Variants in ELFN2 observed in about 807,000 individuals in gnomAD.
ELFN2 encodes protein phosphatase 1 regulatory subunit 29.
ELFN2 carries 17 observed loss-of-function variants against 45.5 expected under a neutral mutation model. The observed-to-expected ratio is 0.37, with a 90% CI of 0.26 to 0.56. The LOEUF is 0.56. ELFN2 is among the 20% of genes least tolerant of loss of function. ELFN2 has a pLI of 0.77. For missense variants in ELFN2, 922 were observed against 1,183.2 expected, an observed-to-expected ratio of 0.78 and a Z score of 3.24; for synonymous variants, 550 against 551.5, an observed-to-expected ratio of 1.00 and a Z score of 0.04.
In ELFN2 at chr22:37,361,209, A is replaced by G. The variant is rs534488727; in HGVS notation, n.149-18506T>C. On this transcript the variant is annotated intron_variant and non_coding_transcript_variant, in intron 1 of 2. Coordinates refer to ENST00000452946, the Ensembl canonical transcript of ELFN2. ...GAGTTGACCCTCAGAGCAAGAAACT[A>G]GGAAAAGCAATGGGGCCATGAGATG... Among the ~76,000 whole-genome samples, 4 of 152,282 alleles carry G rather than the reference A, an allele frequency of 2.6e-5. No homozygotes were observed. In the East Asian group the frequency reaches 5.8e-4, roughly 22 times the overall value.
intron 2 of ELFN2, among the ~76,000 whole-genome samples, chr22:37,381,810 C>T (rs1271942088): frequency 6.6e-6 from 1 of 151,822 alleles, no homozygotes; most frequent in Admixed American, 6.6e-5. Context: ...TGGGGAGATC[C>T]TGGATCCCCT....
chr22:37,353,862 G>A (rs1930882911), intron 1 of ELFN2: 2 of 150,916 alleles, frequency 1.3e-5, no homozygotes, highest in South Asian at 4.2e-4. Flanking sequence ...ATGGTATCTA[G>A]GAAAGAGGAA....
rs529272558 is a variant in ELFN2 at position 37,375,828 on chromosome 22, C to T, written c.-294G>A. 18 of 467,408 alleles carry T rather than the reference C, an allele frequency of 3.9e-5. No homozygotes were observed. Among genetic ancestry groups the T allele is most frequent in the African/African-American group, 2.4e-4 (11 of 46,326 alleles). The allele number at this position is 467,408 out of a possible 1,614,324, so 29.0% of individuals were successfully genotyped here. ...AGGTGCAAGGGTTCTCAGGGCTTGA[C>T]TTCCTCTCCCTCCTCCTCCTCCTCC... is the stretch of plus-strand genomic sequence containing the variant. On this transcript the variant is annotated 5_prime_UTR_variant, in exon 3 of 3. Transcript: ENST00000402918.
chr22:37,357,274 G>A (rs1436066461), intron 1 of ELFN2, among the ~76,000 whole-genome samples: 3 of 152,172 alleles, frequency 2.0e-5, no homozygotes, highest in Non-Finnish European at 2.9e-5. Context: ...ACTTGAGTAC[G>A]GGGCCTCACG....
At chr22:37,395,023 T>C (rs1190240053) in intron 2 of ELFN2, among the ~76,000 whole-genome samples, 1 of 151,932 alleles carries the variant, frequency 6.6e-6, no homozygotes, top group Admixed American at 6.6e-5. Flanking sequence ...GAGAATCACT[T>C]GAACCCAGGA....
chr22:37,407,011 C>A (rs780177956), intron 2 of ELFN2, among the ~76,000 whole-genome samples: 1 of 152,356 alleles, frequency 6.6e-6, no homozygotes, highest in Non-Finnish European at 1.5e-5. Context: ...AGGCATGCAG[C>A]CCATGGCCTT....
At chr22:37,347,819 T>G (rs1222817308) in intron 1 of ELFN2, among the ~76,000 whole-genome samples, 2 of 152,328 alleles carry the variant, frequency 1.3e-5, no homozygotes, top group Non-Finnish European at 2.9e-5. Context: ...CCAGATTCCT[T>G]GGATTGGAGG....
Position 37,392,520 on chromosome 22 carries a change from A to C in ELFN2, c.-462-16524T>G, listed in dbSNP as rs185988516. Among the ~76,000 whole-genome samples the C allele has an allele frequency of 2.7e-4, 41 of 152,106 alleles. No homozygotes were observed. In the East Asian group the frequency reaches 7.9e-3, roughly 29 times the overall value. ...TTTTTAGTAGAGACAGGGTTTCACC[A>C]TGTTAGCCAGGATGGTCTCGATCTC... On this transcript the variant is annotated intron_variant, in intron 2 of 2. Coordinates refer to ENST00000402918, the MANE Select transcript of ELFN2 (RefSeq NM_052906.5).
At chr22:37,392,495 T>C (rs976548572) in intron 2 of ELFN2, among the ~76,000 whole-genome samples, 4 of 152,054 alleles carry the variant, frequency 2.6e-5, no homozygotes, top group African/African-American at 4.8e-5. Flanking sequence ...TTTTTGTGTA[T>C]TTTTAGTAGA....
rs373287422 is a variant in ELFN2 at position 37,373,489 on chromosome 22, C to T, written c.2046G>A (p.Ala682=). The T allele has an allele frequency of 7.4e-5, 114 of 1,546,984 alleles. No individual in the cohort carries two copies. Among genetic ancestry groups the T allele is most frequent in the African/African-American group, 6.5e-4 (48 of 73,370 alleles). ...CCCCGCCGCTGCCCCCGCCGCTGCC[C>T]GCCGGCACCAGCGGGAGCCGGTCCA... is the stretch of plus-strand genomic sequence containing the variant. ...SPLDRLPLVP[A]GSGGGSGGGG... is the part of the protein sequence containing the mutation. Residue 682 remains alanine, a synonymous_variant, in exon 3 of 3, where the codon GCG becomes GCA. Transcript: ENST00000402918.
In ELFN2 at chr22:37,422,469, G is replaced by A. The variant is rs370634524; in HGVS notation, c.-613-4550C>T. Among the ~76,000 whole-genome samples the A allele has an allele frequency of 3.5e-4, 53 of 152,126 alleles. No homozygotes were observed. In the East Asian group the frequency reaches 9.4e-3, roughly 27 times the overall value. The stretch of plus-strand genomic sequence containing the variant: ...CGCCTGCAATCCCAGCACTTTGGGA[G>A]GCTAAGGAGGGAGGATCACGAGGTC... On this transcript the variant is annotated intron_variant, in intron 1 of 2. Coordinates refer to ENST00000402918, the MANE Select transcript of ELFN2 (RefSeq NM_052906.5).
chr22:37,383,488 T>C (rs1341569424), intron 2 of ELFN2, among the ~76,000 whole-genome samples: 1 of 152,194 alleles, frequency 6.6e-6, no homozygotes, highest in Non-Finnish European at 1.5e-5. Context: ...GGGAGCTGGC[T>C]CCTGCCCCTC....
chr22:37,423,952 TG>T (rs1932829390), intron 1 of ELFN2, among the ~76,000 whole-genome samples: 2 of 152,282 alleles, frequency 1.3e-5, no homozygotes, highest in South Asian at 4.1e-4. Context: ...AATCAGGGAT[TG>T]GGCTGGGACG....
intron 1 of ELFN2, among the ~76,000 whole-genome samples, chr22:37,422,317 G>A (rs1932814540): frequency 6.6e-6 from 1 of 152,118 alleles, no homozygotes; most frequent in Admixed American, 6.6e-5. Context: ...TGTTATACAC[G>A]TGGTCTTCTC....
intron 1 of ELFN2, chr22:37,353,420 G>A (rs749767683): frequency 2.0e-5 from 3 of 151,018 alleles, no homozygotes; most frequent in South Asian, 2.1e-4. Flanking sequence ...GCCTTGAGTC[G>A]CTTTACAAAA....
intron 1 of ELFN2, among the ~76,000 whole-genome samples, chr22:37,347,641 AACACACACACACACACACACAC>A (rs55967141): frequency 1.4e-5 from 2 of 146,676 alleles, no homozygotes; most frequent in Non-Finnish European, 3.0e-5. Flanking sequence ...TGGGTGGCAG[AACACACACACACACACACACAC>A]ACACACACAC....
At chr22:37,416,203 A>G (rs1232749505) in intron 2 of ELFN2, among the ~76,000 whole-genome samples, 2 of 152,168 alleles carry the variant, frequency 1.3e-5, no homozygotes, top group African/African-American at 4.8e-5. Context: ...TTAGTAATTG[A>G]ATGAAATGCT....
At chr22:37,419,498 G>A (rs1932792858) in intron 1 of ELFN2, among the ~76,000 whole-genome samples, 1 of 151,874 alleles carries the variant, frequency 6.6e-6, no homozygotes, top group African/African-American at 2.4e-5. Flanking sequence ...ACACAGGGGC[G>A]CCCCACACAG....
intron 1 of ELFN2, chr22:37,354,802 A>T (rs1601734477): frequency 6.9e-6 from 1 of 145,754 alleles, no homozygotes; most frequent in Non-Finnish European, 1.5e-5. Flanking sequence ...GTTTAAAAGC[A>T]CCCCCGGTGC....
Sources: gnomAD v4.1 joint callset for allele counts (sites outside exome capture counted in the v4.1 genomes callset) on GRCh38, gnomAD v4.1.1 for gene constraint, MANE v1.5 for transcripts, NCBI Gene and HGNC (gene_info 2026-07-23, HGNC 2026-07-21) for gene names.